The following JMJD1C variants were observed in gnomAD, a reference collection of about 807,000 sequenced individuals.
The protein encoded by JMJD1C is jumonji domain-containing protein 1C.
Under a neutral mutation model 245.3 loss-of-function variants are expected in JMJD1C, and 31 were observed. That is an observed-to-expected ratio of 0.13 (90% CI 0.09 to 0.17). The LOEUF is 0.17. JMJD1C is among the 10% of genes least tolerant of loss of function. The pLI is 1.00. For missense variants in JMJD1C, 2,691 were observed against 3,000.2 expected (o/e 0.90, Z 2.41); for synonymous variants, 1,057 against 1,017.4 (o/e 1.04, Z -0.74).
chr10:63,212,779 T>C (rs1272421564), intron 8 of JMJD1C, among the ~76,000 whole-genome samples: 2 of 151,852 alleles, frequency 1.3e-5, no homozygotes, highest in Non-Finnish European at 2.9e-5. Flanking sequence ...ATAAAAATTT[T>C]AGAAATTTCA....
At chr10:63,361,533 G>GTC (rs1945323938) in intron 2 of JMJD1C, among the ~76,000 whole-genome samples, 1 of 151,994 alleles carries the variant, frequency 6.6e-6, no homozygotes, top group African/African-American at 2.4e-5. Context: ...AAGCAGAAGT[G>GTC]TCTCTGGGGT....
At chr10:63,453,513 G>A (rs552073657) in intron 1 of JMJD1C, among the ~76,000 whole-genome samples, 2 of 151,966 alleles carry the variant, frequency 1.3e-5, no homozygotes, top group Non-Finnish European at 2.9e-5. Context: ...TATAGCAAAA[G>A]ACACAGACAT....
intron 1 of JMJD1C, among the ~76,000 whole-genome samples, chr10:63,493,491 A>C (rs907936532): frequency 5.3e-5 from 8 of 152,030 alleles, no homozygotes; most frequent in Non-Finnish European, 8.8e-5. Flanking sequence ...CATGTTGTCT[A>C]GGCTAGTCTC....
At chr10:63,283,464 T>G (rs1857633742) in intron 2 of JMJD1C, among the ~76,000 whole-genome samples, 1 of 151,938 alleles carries the variant, frequency 6.6e-6, no homozygotes, top group African/African-American at 2.4e-5. Flanking sequence ...CTTCCCAAGT[T>G]TGAACGATTC....
chr10:63,353,808 G>A (rs923957840), intron 2 of JMJD1C, among the ~76,000 whole-genome samples: 35 of 151,648 alleles, frequency 2.3e-4, no homozygotes, highest in Admixed American at 2.0e-3. Flanking sequence ...GCTTGGCCAA[G>A]GGAATCCTTG....
intron 8 of JMJD1C, among the ~76,000 whole-genome samples, chr10:63,210,193 A>G (rs548259992): frequency 1.1e-4 from 17 of 152,256 alleles, no homozygotes; most frequent in African/African-American, 3.6e-4. Flanking sequence ...CCTCAGTTCT[A>G]TAAGATCCAG....
At chr10:63,409,420 T>C (rs1949358877) in intron 1 of JMJD1C, among the ~76,000 whole-genome samples, 1 of 152,194 alleles carries the variant, frequency 6.6e-6, no homozygotes, top group Non-Finnish European at 1.5e-5. Context: ...ATGTGTTTCC[T>C]TAAAGCGGGG....
At chr10:63,422,576 T>C (rs1386155476) in intron 1 of JMJD1C, among the ~76,000 whole-genome samples, 1 of 152,212 alleles carries the variant, frequency 6.6e-6, no homozygotes, top group East Asian at 1.9e-4. Flanking sequence ...ATTCTAATCA[T>C]ATATATTCAA....
intron 22 of JMJD1C, among the ~76,000 whole-genome samples, chr10:63,183,048 A>G (rs1260073191): frequency 6.6e-6 from 1 of 152,070 alleles, no homozygotes; most frequent in East Asian, 1.9e-4. Flanking sequence ...TTTAGTAGAG[A>G]CAGGGTTATA....
intron 2 of JMJD1C, among the ~76,000 whole-genome samples, chr10:63,335,054 C>T (rs1942577031): frequency 8.6e-6 from 1 of 116,222 alleles, no homozygotes; most frequent in South Asian, 2.9e-4. Context: ...AAATATTGTT[C>T]CTAACTAAGG....
intron 1 of JMJD1C, among the ~76,000 whole-genome samples, chr10:63,496,916 G>T (rs2133235756): frequency 6.6e-6 from 1 of 152,284 alleles, no homozygotes; most frequent in East Asian, 1.9e-4. Flanking sequence ...TCCCAAAGAA[G>T]GGTGTTTCCT....
Position 63,208,720 on chromosome 10 carries a change from C to A in JMJD1C, c.2949G>T (p.Arg983Ser). Residue 983 changes from arginine (R) to serine (S), a missense_variant, in exon 10 of 26, where the codon AGG becomes AGT. Around this residue, in one of 9 missense-constraint regions of JMJD1C, gnomAD observed 1,562 missense variants for 1,490.7 expected, o/e 1.05. Transcript: ENST00000399262. Reference protein sequence around the residue: ...TSAKNDLDLNRSQTGKDCHLH... With the variant: ...TSAKNDLDLNSSQTGKDCHLH... ...AGTGACAATCTTTTCCAGTCTGTGA[C>A]CTATTTAGATCCAGGTCATTTTTGG... The A allele has an allele frequency of 6.2e-7, 1 of 1,613,942 alleles. No individual in the cohort carries two copies.
intron 17 of JMJD1C, 94 bp downstream of exon 17, chr10:63,190,800 A>C (rs1287000545): frequency 5.7e-6 from 5 of 871,074 alleles, no homozygotes; most frequent in Non-Finnish European, 5.7e-6. Context: ...ACTTGATTTC[A>C]TCAGCATACT....
chr10:63,178,683 C>G (rs535670843), intron 22 of JMJD1C, among the ~76,000 whole-genome samples: 16 of 152,218 alleles, frequency 1.1e-4, no homozygotes, highest in Admixed American at 8.5e-4. Context: ...TAATCAAATG[C>G]AAATGTTTCA....
intron 1 of JMJD1C, among the ~76,000 whole-genome samples, chr10:63,464,163 G>A (rs568338733): frequency 2.0e-5 from 3 of 152,132 alleles, no homozygotes; most frequent in Non-Finnish European, 4.4e-5. Flanking sequence ...TTTTAAGGAA[G>A]ATTATACATT....
intron 2 of JMJD1C, among the ~76,000 whole-genome samples, chr10:63,287,541 G>A (rs2133920248): frequency 6.6e-6 from 1 of 152,314 alleles, no homozygotes; most frequent in East Asian, 1.9e-4. Flanking sequence ...GAATCGTTAT[G>A]TTATGAATGG....
At chr10:63,226,960 C>A (rs560677407) in intron 3 of JMJD1C, among the ~76,000 whole-genome samples, 1 of 151,910 alleles carries the variant, frequency 6.6e-6, no homozygotes, top group Non-Finnish European at 1.5e-5. Flanking sequence ...CCCAGCTACT[C>A]GGGAGGCTGA....
chr10:63,197,684 A>G, intron 12 of JMJD1C, 121 bp from the exon 13 acceptor site: 1 of 755,368 alleles, frequency 1.3e-6, no homozygotes, highest in Non-Finnish European at 2.0e-6. Context: ...AGGCTATATT[A>G]ACTGAAGACC....
intron 3 of JMJD1C, among the ~76,000 whole-genome samples, chr10:63,228,437 T>G (rs1849566494): frequency 6.6e-6 from 1 of 152,130 alleles, no homozygotes; most frequent in Non-Finnish European, 1.5e-5. Flanking sequence ...GGATCCCTTA[T>G]GCCCAGAAGT....
Sources: gnomAD v4.1 joint callset for allele counts (sites outside exome capture counted in the v4.1 genomes callset) on GRCh38, gnomAD v4.1.1 for gene constraint, gnomAD v4.1.1 regional missense constraint, MANE v1.5 for transcripts, NCBI Gene and HGNC (gene_info 2026-07-23, HGNC 2026-07-21) for gene names.